SLIT3: variants seen among roughly 807,000 people sequenced by gnomAD.
SLIT3 encodes the protein slit guidance ligand 3, also known as slit homolog 3 protein.
A neutral mutation model predicts 184.0 loss-of-function variants in SLIT3; 68 were observed. The observed-to-expected ratio is 0.37, with a 90% CI of 0.30 to 0.45. The LOEUF (loss-of-function observed/expected upper bound fraction) is 0.45, where lower values mean the gene tolerates loss of function less well. Among genes scored for constraint, SLIT3 ranks in the 20% least tolerant of loss-of-function variants. The pLI is 1.00. For missense variants in SLIT3, 1,707 were observed against 2,026.0 expected, an observed-to-expected ratio of 0.84 and a Z score of 3.02; for synonymous variants, 831 against 828.6, an observed-to-expected ratio of 1.00 and a Z score of -0.05.
chr5:168,839,688 C>G (rs1758176939), intron 6 of SLIT3, among the ~76,000 whole-genome samples: 1 of 152,198 alleles, frequency 6.6e-6, no homozygotes, highest in Admixed American at 6.5e-5. Flanking sequence ...GTTTCTGTCA[C>G]AGACAAACAT....
intron 12 of SLIT3, among the ~76,000 whole-genome samples, chr5:168,776,355 C>A (rs1248379101): frequency 1.3e-5 from 2 of 152,210 alleles, no homozygotes; most frequent in African/African-American, 4.8e-5. Context: ...AGGGTTCACA[C>A]AGATGTCCTC....
At chr5:169,154,491 T>C (rs1454072387) in intron 4 of SLIT3, among the ~76,000 whole-genome samples, 2 of 152,248 alleles carry the variant, frequency 1.3e-5, no homozygotes, top group East Asian at 3.8e-4. Flanking sequence ...ACACATCTCA[T>C]TGCTGAGAAC....
At chr5:168,686,819 G>A (rs529004419) in intron 30 of SLIT3, among the ~76,000 whole-genome samples, 160 bp downstream of exon 30, 8 of 152,374 alleles carry the variant, frequency 5.3e-5, no homozygotes, top group Non-Finnish European at 1.2e-4. Context: ...ATGGGGACAT[G>A]TAAGGACTGC....
In SLIT3 at chr5:168,760,600, G is replaced by A. The variant is rs952826424; in HGVS notation, c.1685+262C>T. Among the ~76,000 whole-genome samples, 5 of 152,140 alleles carry A rather than the reference G, an allele frequency of 3.3e-5. No individual in the cohort carries two copies. The East Asian group carries it at 7.7e-4, about 23-fold the overall frequency. On this transcript the variant is annotated intron_variant, in intron 16 of 35. Coordinates refer to ENST00000519560, the MANE Select transcript of SLIT3 (RefSeq NM_003062.4). ...GTGTTGGATGGCGTGTAGGGGTGGG[G>A]TGAGCAGAGGGTCCAGGGAGGGGTC...
chr5:168,758,284 C>G (rs1158736508), intron 16 of SLIT3, among the ~76,000 whole-genome samples: 1 of 152,180 alleles, frequency 6.6e-6, no homozygotes, highest in Non-Finnish European at 1.5e-5. Context: ...CCTATCAAAA[C>G]TGGGAGGATG....
intron 1 of SLIT3, among the ~76,000 whole-genome samples, chr5:169,271,396 C>T (rs1766605523): frequency 6.6e-6 from 1 of 152,156 alleles, no homozygotes; most frequent in Admixed American, 6.5e-5. Flanking sequence ...GCTCCTGGTC[C>T]CTCAAACTCT....
At chr5:168,919,436 TTA>T (rs1761559659) in intron 4 of SLIT3, among the ~76,000 whole-genome samples, 1 of 152,086 alleles carries the variant, frequency 6.6e-6, no homozygotes, top group Admixed American at 6.6e-5. Context: ...AGAAAAATAA[TTA>T]TGTTTTGAGA....
chr5:168,734,862 A>G (rs2113408632), intron 20 of SLIT3, among the ~76,000 whole-genome samples: 1 of 152,314 alleles, frequency 6.6e-6, no homozygotes, highest in Middle Eastern at 3.4e-3. Flanking sequence ...TGAACTCCTC[A>G]GGGAGAGCTG....
At chr5:168,894,264 A>T (rs1397549457) in intron 4 of SLIT3, among the ~76,000 whole-genome samples, 2 of 152,244 alleles carry the variant, frequency 1.3e-5, no homozygotes, top group African/African-American at 4.8e-5. Flanking sequence ...TTGGCAATGT[A>T]GTGTTTTATG....
intron 4 of SLIT3, among the ~76,000 whole-genome samples, chr5:169,044,587 T>TGGGGGGGGG (rs57256659): frequency 1.4e-5 from 1 of 70,644 alleles, no homozygotes; most frequent in African/African-American, 4.2e-5. Flanking sequence ...TGGAGGAAGG[T>TGGGGGGGGG]GGGGGGGGGG....
At chr5:169,263,075 TCA>T (rs1299813976) in intron 1 of SLIT3, among the ~76,000 whole-genome samples, 1 of 152,188 alleles carries the variant, frequency 6.6e-6, no homozygotes, top group Admixed American at 6.5e-5. Flanking sequence ...GCAAAGTGGC[TCA>T]CACCTATAAT....
chr5:169,053,377 G>T (rs1007614378), intron 4 of SLIT3, among the ~76,000 whole-genome samples: 2 of 152,184 alleles, frequency 1.3e-5, no homozygotes, highest in African/African-American at 4.8e-5. Context: ...GGAAGCTAAC[G>T]TTCCCTCTTG....
At chr5:168,949,571 G>C (rs889883122) in intron 4 of SLIT3, among the ~76,000 whole-genome samples, 5 of 152,160 alleles carry the variant, frequency 3.3e-5, no homozygotes, top group Admixed American at 3.3e-4. Context: ...AAGAACAACT[G>C]TCAAATATAC....
chr5:169,300,474 A>G lies in SLIT3; in HGVS notation c.197+39T>C. 1 of 1,430,434 alleles carries G rather than the reference A, an allele frequency of 7.0e-7. No homozygotes were observed. The highest frequency in any genetic ancestry group is 9.1e-7 in the Non-Finnish European group (1 of 1,093,892). 88.6% of individuals were successfully genotyped at this position (1,430,434 alleles called of 1,614,324 possible). A position where few individuals can be genotyped will look rare whatever the true frequency, so the allele number is the denominator to read the frequency against. ...GCCTGGGGCCCCCTCGGTGGGACCC[A>G]GGTGGGTGGCCCGCGTGGGGTGGGG... On this transcript the variant is annotated intron_variant, in intron 1 of 35. Transcript: ENST00000519560. This position sits in a 1 kb window ranked among gnomAD's most constrained non-coding sequence, Gnocchi z 4.1.
At chr5:169,183,020 A>T (rs1581027592) in intron 4 of SLIT3, among the ~76,000 whole-genome samples, 1 of 152,324 alleles carries the variant, frequency 6.6e-6, no homozygotes, top group East Asian at 1.9e-4. Context: ...GGTCCCAGCC[A>T]AGGAAGTCTG....
In SLIT3 at chr5:168,729,220, T is replaced by C. The variant is rs74683817; in HGVS notation, c.2271-4736A>G. Among the ~76,000 whole-genome samples, 487 of 152,188 alleles carry C rather than the reference T, an allele frequency of 3.2e-3. 4 individuals are homozygous for C. Among genetic ancestry groups the C allele is most frequent in the African/African-American group, 0.011 (458 of 41,536 alleles). On this transcript the variant is annotated intron_variant, in intron 20 of 35. Transcript: ENST00000519560. ...AGATCAAAAAGTTTAGAAAACATAT[T>C]TGAGAAAGTAATTGATGAAAATTTC... is the stretch of plus-strand genomic sequence containing the variant.
At chr5:169,105,410 T>A (rs1028686294) in intron 4 of SLIT3, among the ~76,000 whole-genome samples, 3 of 152,220 alleles carry the variant, frequency 2.0e-5, no homozygotes, top group African/African-American at 7.2e-5. Flanking sequence ...TCTCGCCCCA[T>A]CTTTATCCTC....
At chr5:168,808,643 C>A (rs1351722154) in intron 8 of SLIT3, among the ~76,000 whole-genome samples, 2 of 152,018 alleles carry the variant, frequency 1.3e-5, no homozygotes, top group African/African-American at 4.8e-5. Flanking sequence ...TTTTTTGGTG[C>A]CATGTCAGTG....
intron 4 of SLIT3, among the ~76,000 whole-genome samples, chr5:169,102,670 T>C (rs1373759612): frequency 6.6e-6 from 1 of 152,170 alleles, no homozygotes; most frequent in African/African-American, 2.4e-5. Context: ...TGTGTTTGTG[T>C]GTGTAGCTAG....
Sources: gnomAD v4.1 joint callset for allele counts (sites outside exome capture counted in the v4.1 genomes callset) on GRCh38, gnomAD v4.1.1 for gene constraint, Gnocchi (gnomAD v3.1) non-coding constraint, MANE v1.5 for transcripts, NCBI Gene and HGNC (gene_info 2026-07-23, HGNC 2026-07-21) for gene names.